Variants in ARHGAP12 observed in about 807,000 individuals in gnomAD.
ARHGAP12 encodes Rho GTPase activating protein 12.
Under a neutral mutation model 108.6 loss-of-function variants are expected in ARHGAP12, and 64 were observed. That is an observed-to-expected ratio of 0.59 (90% CI 0.48 to 0.73). The LOEUF is 0.73. Among genes scored for constraint, ARHGAP12 ranks in the 30% least tolerant of loss-of-function variants. The pLI is 0.00. For missense variants in ARHGAP12, 940 were observed against 1,005.9 expected, an observed-to-expected ratio of 0.93 and a Z score of 0.89; for synonymous variants, 312 against 337.2, an observed-to-expected ratio of 0.93 and a Z score of 0.82.
At chr10:31,897,357 C>G (rs374370155) in intron 3 of ARHGAP12, among the ~76,000 whole-genome samples, 13 of 152,018 alleles carry the variant, frequency 8.6e-5, no homozygotes, top group East Asian at 3.9e-4. Flanking sequence ...CAGCTCATGA[C>G]GCACACACAC....
intron 3 of ARHGAP12, among the ~76,000 whole-genome samples, chr10:31,877,419 CATTT>C (rs1398041162): frequency 2.0e-5 from 3 of 152,198 alleles, no homozygotes; most frequent in Non-Finnish European, 2.9e-5. Flanking sequence ...GGAAGACTGA[CATTT>C]ATCAATTCCC....
intron 3 of ARHGAP12, among the ~76,000 whole-genome samples, chr10:31,906,312 G>T (rs1433568877): frequency 6.6e-6 from 1 of 152,150 alleles, no homozygotes; most frequent in African/African-American, 2.4e-5. Flanking sequence ...CGAATTGGGG[G>T]TAGTTTATTA....
chr10:31,849,961 T>C (rs1247078588), intron 6 of ARHGAP12, among the ~76,000 whole-genome samples: 1 of 152,196 alleles, frequency 6.6e-6, no homozygotes, highest in Non-Finnish European at 1.5e-5. Flanking sequence ...AGAAACCCAG[T>C]AGGAGTATTT....
chr10:31,822,559 AT>A (rs1458551239), intron 11 of ARHGAP12, among the ~76,000 whole-genome samples: 1 of 152,200 alleles, frequency 6.6e-6, no homozygotes, highest in East Asian at 1.9e-4. Context: ...TATTACATAA[AT>A]TTATGTTTCA....
At chr10:31,836,391 T>C (rs1036629873) in intron 9 of ARHGAP12, among the ~76,000 whole-genome samples, 6 of 148,088 alleles carry the variant, frequency 4.1e-5, no homozygotes, top group African/African-American at 1.6e-4. Flanking sequence ...TAGACAAATA[T>C]ATTATTGACT....
intron 1 of ARHGAP12, among the ~76,000 whole-genome samples, chr10:31,917,463 T>C (rs922026777): frequency 1.3e-5 from 2 of 152,206 alleles, no homozygotes; most frequent in African/African-American, 2.4e-5. Context: ...TCAATGAAAC[T>C]TTCGATCTCC....
At chr10:31,831,606 A>G (rs1054889225) in intron 10 of ARHGAP12, 133 bp downstream of exon 10, 4 of 539,748 alleles carry the variant, frequency 7.4e-6, no homozygotes, top group Non-Finnish European at 1.2e-5. Context: ...ACAATCTTAC[A>G]TATATGATTA....
At chr10:31,894,499 T>C (rs894647600) in intron 3 of ARHGAP12, among the ~76,000 whole-genome samples, 2 of 152,100 alleles carry the variant, frequency 1.3e-5, no homozygotes, top group African/African-American at 2.4e-5. Context: ...CCATTCACAA[T>C]TGCTTCAAAG....
chr10:31,828,379 T>C (rs189428709), intron 10 of ARHGAP12, among the ~76,000 whole-genome samples: 2 of 152,300 alleles, frequency 1.3e-5, no homozygotes, highest in Admixed American at 1.3e-4. Flanking sequence ...GATGGTGCTT[T>C]TTCTGTCATC....
At chr10:31,862,705 GA>G (rs1837165152) in intron 3 of ARHGAP12, among the ~76,000 whole-genome samples, 8 of 133,096 alleles carry the variant, frequency 6.0e-5, no homozygotes, top group Admixed American at 4.4e-4. Flanking sequence ...TGCACACACA[GA>G]CACACACACA....
At chr10:31,845,810 T>C (rs1169767312) in intron 6 of ARHGAP12, among the ~76,000 whole-genome samples, 1 of 152,076 alleles carries the variant, frequency 6.6e-6, no homozygotes, top group Non-Finnish European at 1.5e-5. Flanking sequence ...GAAAGAATAG[T>C]GATTTCCTTA....
At chr10:31,825,521 C>G (rs1835571335) in intron 11 of ARHGAP12, among the ~76,000 whole-genome samples, 1 of 152,076 alleles carries the variant, frequency 6.6e-6, no homozygotes, top group Admixed American at 6.6e-5. Flanking sequence ...AGTTCTAAAC[C>G]CAGACCTGCC....
chr10:31,875,337 G>A (rs974244025), intron 3 of ARHGAP12, among the ~76,000 whole-genome samples: 2 of 152,198 alleles, frequency 1.3e-5, no homozygotes, highest in African/African-American at 2.4e-5. Flanking sequence ...AGAAAAAGTA[G>A]AGTAGGTAAG....
intron 3 of ARHGAP12, among the ~76,000 whole-genome samples, chr10:31,890,383 G>A (rs1564414809): frequency 2.0e-5 from 3 of 152,066 alleles, no homozygotes; most frequent in South Asian, 2.1e-4. Flanking sequence ...AAAATATTAC[G>A]TTATAAATAC....
Position 31,839,638 on chromosome 10 carries a change from G to A in ARHGAP12, c.1370C>T (p.Thr457Ile), listed in dbSNP as rs775867298. 1 of 1,602,210 alleles carries A rather than the reference G, an allele frequency of 6.2e-7. No individual in the cohort carries two copies. The highest frequency in any genetic ancestry group is 1.7e-5 in the Admixed American group (1 of 59,802). The change falls in exon 8 of 20, where the codon ACA becomes ATA. Residue 457 changes from threonine (T) to isoleucine (I), a missense_variant and splice_region_variant. Physicochemically the swap from Thr to Ile is moderately conservative, Grantham distance 89. Transcript: ENST00000344936. ...SSPSSPKHQD[T>I]ASSPKDQEKY... ...AAGATATGCTTCTATCATACTAACT[G>A]TATCTTGGTGCTTTGGTGAGGAGGG...
intron 18 of ARHGAP12, 43 bp from the exon 19 acceptor site, chr10:31,808,794 T>G (rs1439370613): frequency 6.3e-7 from 1 of 1,591,686 alleles, no homozygotes; most frequent in East Asian, 2.2e-5. Context: ...CAAATTCTTA[T>G]GAAACTGAAA....
At chr10:31,856,472 C>G (rs573272747) in intron 4 of ARHGAP12, among the ~76,000 whole-genome samples, 5 of 152,148 alleles carry the variant, frequency 3.3e-5, no homozygotes, top group African/African-American at 9.7e-5. Context: ...ACAAATTTTG[C>G]TCCTTTATTC....
chr10:31,867,663 T>C (rs1837376835), intron 3 of ARHGAP12, among the ~76,000 whole-genome samples: 2 of 152,108 alleles, frequency 1.3e-5, no homozygotes, highest in Non-Finnish European at 2.9e-5. Context: ...TTTGGAAAAG[T>C]TTGGCAGTAT....
At chr10:31,922,893 C>T (rs927541534) in intron 1 of ARHGAP12, among the ~76,000 whole-genome samples, 3 of 151,940 alleles carry the variant, frequency 2.0e-5, no homozygotes, top group African/African-American at 4.8e-5. Context: ...TTTAGGAAGT[C>T]GAGACAAGAG....
Sources: gnomAD v4.1 joint callset for allele counts (sites outside exome capture counted in the v4.1 genomes callset) on GRCh38, gnomAD v4.1.1 for gene constraint, MANE v1.5 for transcripts, NCBI Gene and HGNC (gene_info 2026-07-23, HGNC 2026-07-21) for gene names.